The following CERS3 variants were observed in gnomAD, a reference collection of about 807,000 sequenced individuals.
The protein encoded by CERS3 is LAG1 homolog, ceramide synthase 3.
A neutral mutation model predicts 50.3 loss-of-function variants in CERS3; 33 were observed. The observed-to-expected ratio is 0.66, with a 90% confidence interval of 0.50 to 0.88. The LOEUF (loss-of-function observed/expected upper bound fraction) is 0.88. Among genes scored for constraint, CERS3 ranks in the 40% least tolerant of loss-of-function variants. The pLI is 0.00. For missense variants in CERS3, 470 were observed against 460.3 expected (o/e 1.02, Z -0.19); for synonymous variants, 176 against 155.2 (o/e 1.13, Z -0.99).
rs148193361 is a variant in CERS3, at chr15:100,407,073, C to T, written c.1000-4208G>A. Reference sequence around the variant, plus strand: ...CAATTACCTCCCACTGGGTCCCTCCCATGATACATGGGAATTGTGGGAGTT... The same window carrying T: ...CAATTACCTCCCACTGGGTCCCTCCTATGATACATGGGAATTGTGGGAGTT... On this transcript the variant is annotated intron_variant, in intron 11 of 11. Coordinates refer to ENST00000679737, the MANE Select transcript of CERS3 (RefSeq NM_001378789.1). 5.2e-3 allele frequency among the ~76,000 whole-genome samples: 794 copies of T among 152,272 alleles called. 7 individuals are homozygous for T. Among genetic ancestry groups the T allele is most frequent in the African/African-American group, 0.018 (760 of 41,550 alleles).
chr15:100,437,257 A>G (rs2033461793), intron 11 of CERS3, among the ~76,000 whole-genome samples: 1 of 152,110 alleles, frequency 6.6e-6, no homozygotes, highest in South Asian at 2.1e-4. Context: ...CATTGACAGC[A>G]TTTCTAACAT....
At chr15:100,472,746 A>T (rs1173834819) in intron 9 of CERS3, among the ~76,000 whole-genome samples, 178 bp downstream of exon 9, 4 of 152,222 alleles carry the variant, frequency 2.6e-5, no homozygotes, top group Non-Finnish European at 4.4e-5. Flanking sequence ...ATTCAAAGTT[A>T]AAACTAAGAG....
intron 11 of CERS3, among the ~76,000 whole-genome samples, chr15:100,404,095 G>A (rs887191001): frequency 1.3e-5 from 2 of 152,192 alleles, no homozygotes; most frequent in Admixed American, 6.5e-5. Flanking sequence ...TACAAGCCAA[G>A]AAATGCTGGC....
intron 2 of CERS3, among the ~76,000 whole-genome samples, chr15:100,503,444 C>T (rs534824297): frequency 1.4e-4 from 21 of 152,258 alleles, no homozygotes; most frequent in African/African-American, 4.3e-4. Context: ...GGCCTTAGAG[C>T]GTTTGCTTGC....
chr15:100,443,289 C>G (rs1339381344), intron 11 of CERS3, among the ~76,000 whole-genome samples: 190 of 151,118 alleles, frequency 1.3e-3, no homozygotes, highest in African/African-American at 4.4e-3. Context: ...TATCCCATCC[C>G]ACAGCATGCT....
chr15:100,460,312 C>T (rs1005884585), intron 10 of CERS3, among the ~76,000 whole-genome samples: 5 of 152,060 alleles, frequency 3.3e-5, no homozygotes, highest in African/African-American at 4.8e-5. Context: ...TTCAATAAAC[C>T]ATTACTGAGC....
intron 11 of CERS3, among the ~76,000 whole-genome samples, chr15:100,415,166 G>C (rs1356760992): frequency 6.6e-6 from 1 of 152,180 alleles, no homozygotes; most frequent in African/African-American, 2.4e-5. Context: ...ACAAACATAT[G>C]AGAAAAAGTT....
intron 11 of CERS3, among the ~76,000 whole-genome samples, chr15:100,405,697 G>A (rs2030971536): frequency 6.6e-6 from 1 of 152,212 alleles, no homozygotes. Context: ...TGGGTTACAG[G>A]AAAGAGTTAT....
In CERS3 at chr15:100,456,034, G is replaced by A. The variant is rs776257160; in HGVS notation, c.858C>T (p.Cys286=). 1.2e-6 allele frequency: 2 copies of A among 1,606,298 alleles called. No individual in the cohort carries two copies. Among genetic ancestry groups the A allele is most frequent in the Admixed American group, 3.4e-5 (2 of 58,720 alleles). Residue 286 remains cysteine (C), a synonymous_variant, in exon 11 of 12, where the codon TGC becomes TGT. Coordinates refer to ENST00000679737, the MANE Select transcript of CERS3 (RefSeq NM_001378789.1). ...LIVFPFWILY[C]TLILPMYHLE... ...GGTGATACATAGGCAAGATCAGCGT[G>A]CAATATAAAATCCTGAAACACCAAA...
intron 10 of CERS3, among the ~76,000 whole-genome samples, chr15:100,462,836 C>A (rs1419312021): frequency 6.6e-6 from 1 of 152,136 alleles, no homozygotes; most frequent in Non-Finnish European, 1.5e-5. Flanking sequence ...CCCACACAGT[C>A]AGGGGGAAAA....
At chr15:100,537,296 A>T (rs2037097453) in intron 1 of CERS3, among the ~76,000 whole-genome samples, 1 of 152,256 alleles carries the variant, frequency 6.6e-6, no homozygotes, top group East Asian at 1.9e-4. Flanking sequence ...CCTTCTCATT[A>T]ACAAAAGATT....
chr15:100,450,829 A>G (rs1011640193), intron 11 of CERS3, among the ~76,000 whole-genome samples: 3 of 152,186 alleles, frequency 2.0e-5, no homozygotes, highest in Non-Finnish European at 4.4e-5. Context: ...GTCACCTGTA[A>G]GGGAACCATC....
chr15:100,465,613 A>G (rs2587807), intron 10 of CERS3, among the ~76,000 whole-genome samples: 150,504 of 152,134 alleles, frequency 0.99, 74,459 homozygotes, highest in Middle Eastern at 1. Flanking sequence ...GTCAACGTCA[A>G]TACAGAAATA....
chr15:100,452,678 G>A (rs2142187817), intron 11 of CERS3, among the ~76,000 whole-genome samples: 1 of 152,020 alleles, frequency 6.6e-6, no homozygotes, highest in African/African-American at 2.4e-5. Flanking sequence ...AAATGAAAGA[G>A]ACTGAAAATA....
At chr15:100,471,721 A>G (rs2034975497) in intron 9 of CERS3, among the ~76,000 whole-genome samples, 1 of 152,224 alleles carries the variant, frequency 6.6e-6, no homozygotes, top group Non-Finnish European at 1.5e-5. Context: ...TGAAGCACAT[A>G]TAATAATCTT....
intron 1 of CERS3, among the ~76,000 whole-genome samples, chr15:100,522,135 A>T (rs994350859): frequency 1.3e-5 from 2 of 152,230 alleles, no homozygotes; most frequent in Non-Finnish European, 2.9e-5. Flanking sequence ...ACATTTCTCA[A>T]TATGAATTAT....
At chr15:100,513,473 T>C (rs935208174) in intron 2 of CERS3, among the ~76,000 whole-genome samples, 6 of 152,102 alleles carry the variant, frequency 3.9e-5, no homozygotes, top group Non-Finnish European at 7.3e-5. Context: ...CAGTCTGTGA[T>C]ACTGCAACTG....
intron 2 of CERS3, among the ~76,000 whole-genome samples, chr15:100,512,312 G>A (rs1447713768): frequency 6.6e-6 from 1 of 152,190 alleles, no homozygotes; most frequent in Non-Finnish European, 1.5e-5. Flanking sequence ...GTAGCAACAT[G>A]GTGGGAGGAA....
intron 8 of CERS3, among the ~76,000 whole-genome samples, chr15:100,474,784 A>C (rs2035074975): frequency 6.6e-6 from 1 of 152,194 alleles, no homozygotes; most frequent in African/African-American, 2.4e-5. Flanking sequence ...GCTTCATTTT[A>C]TAGATAAGGA....
Sources: gnomAD v4.1 joint callset for allele counts (sites outside exome capture counted in the v4.1 genomes callset) on GRCh38, gnomAD v4.1.1 for gene constraint, MANE v1.5 for transcripts, NCBI Gene and HGNC (gene_info 2026-07-23, HGNC 2026-07-21) for gene names.